The following PPIL3 variants were observed in gnomAD, a reference collection of about 807,000 sequenced individuals.
PPIL3 encodes peptidylprolyl isomerase like 3, also known as peptidyl-prolyl cis-trans isomerase-like 3.
PPIL3 carries 13 observed loss-of-function variants against 20.9 expected under a neutral mutation model. That is an observed-to-expected ratio of 0.62 (90% CI 0.40 to 0.99). The LOEUF is 0.99. Ranked by LOEUF, PPIL3 falls within the 50% of genes least tolerant of loss-of-function variation. The pLI, the probability that PPIL3 is intolerant of heterozygous loss-of-function variation, is 0.00. For synonymous variants in PPIL3, 71 were observed against 64.4 expected, an observed-to-expected ratio of 1.10 and a Z score of -0.49; for missense variants, 170 against 195.2, an observed-to-expected ratio of 0.87 and a Z score of 0.77.
intron 6 of PPIL3, among the ~76,000 whole-genome samples, chr2:200,874,288 A>T (rs1175633228): frequency 6.6e-6 from 1 of 151,808 alleles, no homozygotes; most frequent in Non-Finnish European, 1.5e-5. Flanking sequence ...AAACATTTTG[A>T]TTTTACCCCT....
At chr2:200,885,941 T>G (rs1383453417) in intron 2 of PPIL3, among the ~76,000 whole-genome samples, 169 bp from the exon 3 acceptor site, 1 of 152,204 alleles carries the variant, frequency 6.6e-6, no homozygotes, top group East Asian at 1.9e-4. Context: ...TAAGTTGTAC[T>G]TTTTTCTCAA....
intron 3 of PPIL3, 46 bp from the exon 4 acceptor site, chr2:200,882,481 G>A: frequency 8.4e-7 from 1 of 1,191,968 alleles, no homozygotes; most frequent in Non-Finnish European, 1.3e-6. Flanking sequence ...CAGAAACCCA[G>A]TTAAGACAAA....
At chr2:200,871,904 A>G (rs567994913) in intron 6 of PPIL3, among the ~76,000 whole-genome samples, 14 of 152,332 alleles carry the variant, frequency 9.2e-5, no homozygotes, top group Admixed American at 6.5e-4. Context: ...CAGTTCTCCA[A>G]TTCTCTGGGT....
chr2:200,875,490 T>A lies in PPIL3; in HGVS notation c.359+1429A>T, dbSNP rs376652990. Among the ~76,000 whole-genome samples, 28 of 152,154 alleles carry A rather than the reference T, an allele frequency of 1.8e-4. 1 individual carries two copies. In the East Asian group the frequency reaches 3.5e-3, roughly 19 times the overall value. On this transcript the variant is annotated intron_variant, in intron 6 of 6. Transcript: ENST00000392283. ...ACCATGTTGGCCTGGATGGTCTTGA[T>A]CTCCTGACCTCATGATCTGCCCTCC...
intron 5 of PPIL3, among the ~76,000 whole-genome samples, chr2:200,878,185 A>C (rs1358017370): frequency 1.3e-5 from 2 of 152,230 alleles, no homozygotes; most frequent in Non-Finnish European, 2.9e-5. Context: ...ATAGTTAATA[A>C]AAATGTAAGT....
chr2:200,881,835 T>C (rs1395925886), intron 4 of PPIL3: 1 of 246,590 alleles, frequency 4.1e-6, no homozygotes, highest in Non-Finnish European at 7.5e-6. Context: ...ATTGTTCACA[T>C]TTTAGGGGTA....
chr2:200,874,717 AAT>A (rs1165315163), intron 6 of PPIL3, among the ~76,000 whole-genome samples: 1 of 152,216 alleles, frequency 6.6e-6, no homozygotes, highest in African/African-American at 2.4e-5. Flanking sequence ...TAGATGTTGT[AAT>A]ATTTCTTTTC....
chr2:200,884,536 G>A (rs1389626759), intron 3 of PPIL3, among the ~76,000 whole-genome samples: 6 of 151,994 alleles, frequency 3.9e-5, no homozygotes, highest in South Asian at 2.1e-4. Context: ...CCAGGAGTTC[G>A]AGACCAAGTT....
chr2:200,885,623 G>C, intron 3 of PPIL3, 75 bp downstream of exon 3: 1 of 947,160 alleles, frequency 1.1e-6, no homozygotes, highest in Non-Finnish European at 1.7e-6. Context: ...TTGTTATTTA[G>C]GTTAGATTAT....
intron 1 of PPIL3, chr2:200,888,619 G>A: frequency 4.7e-6 from 1 of 212,684 alleles, no homozygotes; most frequent in African/African-American, 2.3e-5. Context: ...TCCGCCTCCC[G>A]GGTTCAAGTG....
At chr2:200,874,049 C>T (rs886591704) in intron 6 of PPIL3, among the ~76,000 whole-genome samples, 1 of 151,040 alleles carries the variant, frequency 6.6e-6, no homozygotes, top group Non-Finnish European at 1.5e-5. Flanking sequence ...ACTAAAAATA[C>T]AAAAAATTAG....
chr2:200,889,243 C>T, upstream of PPIL3: 1 of 346,404 alleles, frequency 2.9e-6, no homozygotes, highest in East Asian at 7.7e-5. Flanking sequence ...GGCGAAACTA[C>T]CTGGGCAACC....
At chr2:200,874,141 C>T (rs1225830276) in intron 6 of PPIL3, among the ~76,000 whole-genome samples, 1 of 146,576 alleles carries the variant, frequency 6.8e-6, no homozygotes, top group Non-Finnish European at 1.5e-5. Flanking sequence ...GGAGGGTGAG[C>T]TTGCAGTGAG....
chr2:200,889,126 C>G, upstream of PPIL3: 1 of 454,792 alleles, frequency 2.2e-6, no homozygotes, highest in South Asian at 1.6e-5. Context: ...CCTTCCTCCC[C>G]TCATCTTCCT....
chr2:200,872,960 C>T (rs892481346), intron 6 of PPIL3, among the ~76,000 whole-genome samples: 2 of 151,036 alleles, frequency 1.3e-5, no homozygotes, highest in African/African-American at 4.9e-5. Flanking sequence ...GCAACCTCTC[C>T]TCCTGGGTTC....
intron 5 of PPIL3, among the ~76,000 whole-genome samples, chr2:200,880,429 G>A (rs2105773493): frequency 1.3e-5 from 1 of 77,476 alleles, no homozygotes; most frequent in South Asian, 2.8e-4. Context: ...TTTTTGAGTG[G>A]GGTCTCGTTC....
intron 3 of PPIL3, among the ~76,000 whole-genome samples, chr2:200,884,333 C>T (rs1048426027): frequency 1.8e-4 from 28 of 152,018 alleles, no homozygotes; most frequent in African/African-American, 6.3e-4. Flanking sequence ...ACCTGGGTGG[C>T]GGAGGTTGCA....
chr2:200,882,540 G>A, intron 3 of PPIL3, 105 bp from the exon 4 acceptor site: 1 of 758,736 alleles, frequency 1.3e-6, no homozygotes, highest in Non-Finnish European at 2.4e-6. Context: ...TTTAAACTAT[G>A]ACTGTTGTCA....
chr2:200,886,411 G>A (rs1229820193), intron 2 of PPIL3, among the ~76,000 whole-genome samples: 1 of 150,878 alleles, frequency 6.6e-6, no homozygotes, highest in African/African-American at 2.4e-5. Flanking sequence ...AATTTGGAGG[G>A]TTCCTTTTTC....
Sources: gnomAD v4.1 joint callset for allele counts (sites outside exome capture counted in the v4.1 genomes callset) on GRCh38, gnomAD v4.1.1 for gene constraint, MANE v1.5 for transcripts, NCBI Gene and HGNC (gene_info 2026-07-23, HGNC 2026-07-21) for gene names.